The following GUCY1A2 variants were observed in gnomAD, a reference collection of about 807,000 sequenced individuals.
The protein encoded by GUCY1A2 is guanylate cyclase 1 soluble subunit alpha 2.
GUCY1A2 carries 27 observed loss-of-function variants against 63.5 expected under a neutral mutation model. That is an observed-to-expected ratio of 0.43 (90% CI 0.31 to 0.59). The LOEUF (loss-of-function observed/expected upper bound fraction) is 0.59, where lower values mean the gene tolerates loss of function less well. Ranked by LOEUF, GUCY1A2 falls within the 20% of genes least tolerant of loss-of-function variation. The pLI is 0.11. For missense variants in GUCY1A2, 768 were observed against 913.3 expected (o/e 0.84, Z 2.05); for synonymous variants, 364 against 343.5 (o/e 1.06, Z -0.66).
chr11:106,937,098 T>C lies in GUCY1A2; in HGVS notation c.1206+2362A>G, dbSNP rs150390280. Among the ~76,000 whole-genome samples the C allele has an allele frequency of 3.5e-3, 534 of 152,304 alleles. 2 individuals carry two copies. The highest frequency in any genetic ancestry group is 6.4e-3 in the Non-Finnish European group (438 of 68,020). On this transcript the variant is annotated intron_variant, in intron 4 of 7. Coordinates refer to ENST00000526355, the MANE Select transcript of GUCY1A2 (RefSeq NM_000855.3). ...ACAACTTTACTGACCATAGTATCAA[T>C]TTGGGGCAACTGTAACCTCTCAAAT...
chr11:106,988,950 C>T lies in GUCY1A2; in HGVS notation c.304-2819G>A, dbSNP rs192601227. On this transcript the variant is annotated intron_variant, in intron 1 of 7. Coordinates refer to ENST00000526355, the MANE Select transcript of GUCY1A2 (RefSeq NM_000855.3). ...AAAGCATGAAGTGAAGACCCACAAA[C>T]GGGCCAAAGCCTTCCATCAGATGAT... 8.5e-5 allele frequency among the ~76,000 whole-genome samples: 13 copies of T among 152,320 alleles called. No homozygotes were observed. In the South Asian group the frequency reaches 1.2e-3, roughly 15 times the overall value.
intron 3 of GUCY1A2, among the ~76,000 whole-genome samples, chr11:106,959,031 C>T (rs1407697615): frequency 3.2e-4 from 48 of 152,122 alleles, no homozygotes; most frequent in Admixed American, 3.1e-3. Flanking sequence ...TCTTTAGCAT[C>T]GTGGGTGAGG....
intron 6 of GUCY1A2, among the ~76,000 whole-genome samples, chr11:106,725,038 CTG>C (rs1311477526): frequency 6.6e-6 from 1 of 151,768 alleles, no homozygotes; most frequent in Admixed American, 6.6e-5. Context: ...TTTAATTACA[CTG>C]TGCAGAAATA....
At chr11:106,708,949 C>G (rs867051100) in intron 6 of GUCY1A2, among the ~76,000 whole-genome samples, 6 of 150,854 alleles carry the variant, frequency 4.0e-5, no homozygotes, top group Middle Eastern at 3.2e-3. Context: ...CAGGTTAAAT[C>G]AGATTTCATC....
chr11:107,006,205 A>T (rs1204680223), intron 1 of GUCY1A2, among the ~76,000 whole-genome samples: 3 of 152,212 alleles, frequency 2.0e-5, no homozygotes, highest in African/African-American at 7.2e-5. Flanking sequence ...AAAGAACCTG[A>T]AGGAATATTT....
chr11:106,709,758 AG>A (rs1312256396), intron 6 of GUCY1A2, among the ~76,000 whole-genome samples: 1 of 115,564 alleles, frequency 8.7e-6, no homozygotes, highest in African/African-American at 4.0e-5. Context: ...TAGAATATAT[AG>A]TTATATACAC....
At chr11:106,849,332 AATT>A (rs1350703455) in intron 4 of GUCY1A2, among the ~76,000 whole-genome samples, 3 of 149,792 alleles carry the variant, frequency 2.0e-5, no homozygotes, top group Admixed American at 6.7e-5. Flanking sequence ...ATAATATGCA[AATT>A]ATTATTTTAC....
chr11:106,970,021 T>C (rs1347304703), intron 3 of GUCY1A2, among the ~76,000 whole-genome samples: 4 of 152,050 alleles, frequency 2.6e-5, no homozygotes, highest in Non-Finnish European at 5.9e-5. Flanking sequence ...AATAGAAGAG[T>C]TTCTAAGAAA....
intron 3 of GUCY1A2, among the ~76,000 whole-genome samples, chr11:106,953,807 C>G (rs750890781): frequency 6.6e-6 from 1 of 152,076 alleles, no homozygotes; most frequent in African/African-American, 2.4e-5. Flanking sequence ...AGTTTATTTG[C>G]GTAAAGGTGT....
intron 4 of GUCY1A2, among the ~76,000 whole-genome samples, chr11:106,831,843 C>G (rs1453079255): frequency 6.6e-6 from 1 of 152,116 alleles, no homozygotes; most frequent in Non-Finnish European, 1.5e-5. Flanking sequence ...ACTAATATAC[C>G]AGGTCTTGGT....
At chr11:106,687,790 A>G (rs1351175042) in intron 7 of GUCY1A2, 34 bp from the exon 8 acceptor site, 1 of 1,416,478 alleles carries the variant, frequency 7.1e-7, no homozygotes, top group Non-Finnish European at 1.0e-6. Flanking sequence ...TGAATCAAGT[A>G]GGCCAGGGAA....
intron 4 of GUCY1A2, among the ~76,000 whole-genome samples, chr11:106,849,171 T>C (rs1329553554): frequency 6.6e-6 from 1 of 151,452 alleles, no homozygotes; most frequent in Non-Finnish European, 1.5e-5. Flanking sequence ...TTCAACCCCT[T>C]CTCTCTGGTG....
intron 4 of GUCY1A2, among the ~76,000 whole-genome samples, chr11:106,927,347 T>A (rs1471707041): frequency 6.6e-6 from 1 of 151,302 alleles, no homozygotes; most frequent in African/African-American, 2.4e-5. Context: ...CACTCCAGCC[T>A]GGGCAACAGA....
At chr11:106,916,024 C>A (rs1860365451) in intron 4 of GUCY1A2, among the ~76,000 whole-genome samples, 1 of 144,882 alleles carries the variant, frequency 6.9e-6, no homozygotes, top group Admixed American at 6.9e-5. Context: ...GGATAAGATA[C>A]ATAAAGGACA....
chr11:106,709,871 G>T (rs374876537), intron 6 of GUCY1A2, among the ~76,000 whole-genome samples: 1 of 10,156 alleles, frequency 9.8e-5, no homozygotes, highest in Non-Finnish European at 3.3e-4. Context: ...TACACGTATA[G>T]AATATATAGT....
intron 4 of GUCY1A2, among the ~76,000 whole-genome samples, chr11:106,913,181 T>G (rs1165703935): frequency 1.3e-5 from 2 of 152,134 alleles, no homozygotes; most frequent in East Asian, 1.9e-4. Context: ...TGTACTAATC[T>G]ATGAAACACA....
rs1317263335 is a variant in GUCY1A2, at chr11:106,677,930, TA to T, written c.*9618del. 5.0e-6 allele frequency: 1 copy of T among 200,348 alleles called. No homozygotes were observed. Among genetic ancestry groups the T allele is most frequent in the Non-Finnish European group, 1.0e-5 (1 of 97,130 alleles). 12.4% of individuals were successfully genotyped at this position (200,348 alleles called of 1,614,324 possible). A position where few individuals can be genotyped will look rare whatever the true frequency, so the allele number is the denominator to read the frequency against. On this transcript the variant is annotated 3_prime_UTR_variant, in exon 8 of 8. Transcript: ENST00000526355. The stretch of plus-strand genomic sequence containing the variant: ...GCAGGAGAATTTTTTTTAGACAGAA[TA>T]AAATTGTTTTTAAGGATCAAATGAA...
chr11:106,807,698 G>C (rs529041434), intron 5 of GUCY1A2, among the ~76,000 whole-genome samples: 7 of 152,312 alleles, frequency 4.6e-5, no homozygotes, highest in Non-Finnish European at 1.0e-4. Flanking sequence ...TAACATTTGA[G>C]TCAATGGACT....
chr11:106,976,705 AG>A (rs1205639894), intron 3 of GUCY1A2, among the ~76,000 whole-genome samples: 1 of 152,200 alleles, frequency 6.6e-6, no homozygotes, highest in Non-Finnish European at 1.5e-5. Context: ...CATTACTTAG[AG>A]GAAGAAAATA....
Sources: gnomAD v4.1 joint callset for allele counts (sites outside exome capture counted in the v4.1 genomes callset) on GRCh38, gnomAD v4.1.1 for gene constraint, MANE v1.5 for transcripts, NCBI Gene and HGNC (gene_info 2026-07-23, HGNC 2026-07-21) for gene names.